Variants in GRM1 observed in about 807,000 individuals in gnomAD.
GRM1 encodes the protein glutamate metabotropic receptor 1, also known as metabotropic glutamate receptor 1.
A neutral mutation model predicts 90.9 loss-of-function variants in GRM1; 33 were observed. The observed-to-expected ratio is 0.36, with a 90% CI of 0.28 to 0.49. GRM1 has a LOEUF of 0.49. Among genes scored for constraint, GRM1 ranks in the 20% least tolerant of loss-of-function variants. GRM1 has a pLI of 0.99. For missense variants in GRM1, 1,190 were observed against 1,534.3 expected, an observed-to-expected ratio of 0.78 and a Z score of 3.75; for synonymous variants, 700 against 613.2, an observed-to-expected ratio of 1.14 and a Z score of -2.09.
intron 2 of GRM1, among the ~76,000 whole-genome samples, chr6:146,162,254 A>G (rs1365123429): frequency 1.3e-5 from 2 of 152,178 alleles, no homozygotes; most frequent in Non-Finnish European, 2.9e-5. Flanking sequence ...GTAGGTGGTC[A>G]TGAACTTCTT....
At chr6:146,392,389 G>T (rs558508125) in intron 6 of GRM1, among the ~76,000 whole-genome samples, 2 of 152,224 alleles carry the variant, frequency 1.3e-5, no homozygotes, top group African/African-American at 4.8e-5. Context: ...TTCTCGCACC[G>T]TATTAGACCT....
intron 3 of GRM1, among the ~76,000 whole-genome samples, chr6:146,337,163 C>T (rs1784802016): frequency 1.3e-5 from 2 of 152,190 alleles, no homozygotes; most frequent in Admixed American, 1.3e-4. Context: ...CCAGGCAGTA[C>T]TCCTTGGGCA....
chr6:146,092,504 C>T (rs892886404), intron 1 of GRM1, among the ~76,000 whole-genome samples: 2 of 152,062 alleles, frequency 1.3e-5, no homozygotes, highest in Admixed American at 1.3e-4. Flanking sequence ...AGATTAGACT[C>T]ATGGTACAGT....
At chr6:146,202,081 C>T (rs7770357) in intron 2 of GRM1, among the ~76,000 whole-genome samples, 1 of 151,978 alleles carries the variant, frequency 6.6e-6, no homozygotes, top group Admixed American at 6.6e-5. Flanking sequence ...GAGAGTGCAT[C>T]CCCCAATGAA....
At chr6:146,293,288 T>TA (rs1783057797) in intron 2 of GRM1, among the ~76,000 whole-genome samples, 1 of 152,014 alleles carries the variant, frequency 6.6e-6, no homozygotes, top group African/African-American at 2.4e-5. Context: ...CCTTAAGTTT[T>TA]AAAAATAATT....
chr6:146,189,640 A>G (rs1778867665), intron 2 of GRM1, among the ~76,000 whole-genome samples: 1 of 152,174 alleles, frequency 6.6e-6, no homozygotes, highest in Non-Finnish European at 1.5e-5. Flanking sequence ...ACAAGTGAAG[A>G]TAGGCACTTG....
chr6:146,270,143 C>G (rs546671285), intron 2 of GRM1, among the ~76,000 whole-genome samples: 128 of 152,042 alleles, frequency 8.4e-4, no homozygotes, highest in African/African-American at 2.9e-3. Flanking sequence ...TGAACTTTTT[C>G]CTTAACAGTG....
intron 2 of GRM1, among the ~76,000 whole-genome samples, chr6:146,289,387 A>T (rs928924536): frequency 1.3e-5 from 2 of 152,232 alleles, no homozygotes; most frequent in African/African-American, 4.8e-5. Flanking sequence ...TGGAATAAAG[A>T]TATAAAAAAT....
intron 6 of GRM1, among the ~76,000 whole-genome samples, chr6:146,390,362 T>C (rs997671747): frequency 6.6e-6 from 1 of 151,998 alleles, no homozygotes; most frequent in South Asian, 2.1e-4. Context: ...AAAAAGTTTC[T>C]CATATTTTCT....
At chr6:146,335,128 T>C (rs1784724376) in intron 3 of GRM1, among the ~76,000 whole-genome samples, 1 of 152,210 alleles carries the variant, frequency 6.6e-6, no homozygotes, top group Non-Finnish European at 1.5e-5. Context: ...CCCTTCCCGT[T>C]GACTGACATC....
At chr6:146,140,444 T>A (rs1776830784) in intron 1 of GRM1, among the ~76,000 whole-genome samples, 1 of 151,958 alleles carries the variant, frequency 6.6e-6, no homozygotes, top group Admixed American at 6.6e-5. Flanking sequence ...AATTTTTGTA[T>A]TTTTACTAGA....
At chr6:146,104,435 G>A (rs572028373) in intron 1 of GRM1, among the ~76,000 whole-genome samples, 9 of 151,210 alleles carry the variant, frequency 6.0e-5, no homozygotes, top group East Asian at 2.0e-4. Context: ...GTGAGACTCC[G>A]TCTCAAAAAA....
At chr6:146,123,213 A>G (rs989836767) in intron 1 of GRM1, among the ~76,000 whole-genome samples, 9 of 152,100 alleles carry the variant, frequency 5.9e-5, no homozygotes, top group African/African-American at 2.2e-4. Flanking sequence ...CAGTTTTCAC[A>G]TTGTTAGATT....
At chr6:146,281,602 T>C (rs1782571321) in intron 2 of GRM1, among the ~76,000 whole-genome samples, 1 of 152,236 alleles carries the variant, frequency 6.6e-6, no homozygotes, top group African/African-American at 2.4e-5. Flanking sequence ...GCTATATTCA[T>C]TTTTTATGTT....
At chr6:146,322,710 T>C (rs1266405689) in intron 3 of GRM1, among the ~76,000 whole-genome samples, 3 of 152,074 alleles carry the variant, frequency 2.0e-5, no homozygotes, top group African/African-American at 7.3e-5. Flanking sequence ...CATTAACTCA[T>C]CATTTAGCAT....
chr6:146,389,255 C>G (rs759262674), intron 6 of GRM1, among the ~76,000 whole-genome samples: 3 of 151,988 alleles, frequency 2.0e-5, no homozygotes, highest in Non-Finnish European at 2.9e-5. Context: ...TGAGGTTAAT[C>G]TTAGAAGTCA....
intron 7 of GRM1, among the ~76,000 whole-genome samples, chr6:146,419,726 G>C (rs1777918655): frequency 1.3e-5 from 2 of 152,174 alleles, no homozygotes; most frequent in African/African-American, 2.4e-5. Flanking sequence ...GAAAGCAAGT[G>C]AGTGAAGGGG....
intron 2 of GRM1, among the ~76,000 whole-genome samples, chr6:146,181,239 T>TAAAA (rs11373832): frequency 6.9e-6 from 1 of 145,920 alleles, no homozygotes. Context: ...TTGCCACCTT[T>TAAAA]AAAAAAAAAA....
chr6:146,306,468 G>A (rs1005778301), intron 3 of GRM1, among the ~76,000 whole-genome samples: 3 of 152,096 alleles, frequency 2.0e-5, no homozygotes, highest in African/African-American at 7.2e-5. Flanking sequence ...TTAGTATTTG[G>A]TAATATATTA....
Sources: allele counts gnomAD v4.1 joint callset (sites outside exome capture counted in the v4.1 genomes callset), GRCh38; gene constraint gnomAD v4.1.1; transcripts MANE v1.5; gene names NCBI Gene and HGNC (gene_info 2026-07-23, HGNC 2026-07-21).